The following OLAH variants were observed in gnomAD, a reference collection of about 807,000 sequenced individuals.
The protein encoded by OLAH is oleoyl-ACP hydrolase, also known as S-acyl fatty acid synthase thioesterase, medium chain.
In OLAH, 33 loss-of-function variants were observed where a neutral mutation model predicts 27.8. That is an observed-to-expected ratio of 1.19 (90% CI 0.90 to 1.59). The LOEUF is 1.59. Ranked by LOEUF, OLAH falls within the 40% of genes most tolerant of loss-of-function variation. The pLI, the probability that OLAH is intolerant of heterozygous loss-of-function variation, is 0.00. For missense variants in OLAH, 359 were observed against 310.8 expected, an observed-to-expected ratio of 1.16 and a Z score of -1.17; for synonymous variants, 120 against 102.9, an observed-to-expected ratio of 1.17 and a Z score of -1.01.
At chr10:15,072,384 C>T (rs1844608388) in intron 7 of OLAH, among the ~76,000 whole-genome samples, 1 of 151,938 alleles carries the variant, frequency 6.6e-6, no homozygotes, top group Admixed American at 6.6e-5. Context: ...AGATGTTGGT[C>T]TTGTGTAAAA....
chr10:15,063,489 G>A (rs904395825), intron 4 of OLAH, among the ~76,000 whole-genome samples: 1 of 152,214 alleles, frequency 6.6e-6, no homozygotes, highest in East Asian at 1.9e-4. Context: ...CATGCGCAAT[G>A]AACATGGTGC....
upstream of OLAH, among the ~76,000 whole-genome samples, chr10:15,042,271 C>T (rs1482684497): frequency 6.6e-6 from 1 of 152,110 alleles, no homozygotes; most frequent in East Asian, 1.9e-4. Flanking sequence ...CCTGCCTCAG[C>T]CTCCCAAGTA....
rs761389594 is a variant in OLAH at position 15,065,615 on chromosome 10, A to G, written c.434A>G (p.Asp145Gly). Residue 145 changes from aspartate to glycine, a missense_variant, in exon 6 of 8, where the codon GAT becomes GGT. Physicochemically the swap from Asp to Gly is moderately conservative, Grantham distance 94. Coordinates refer to ENST00000378228, the MANE Select transcript of OLAH (RefSeq NM_001039702.3). ...SKAWHRIPKDDELSEEQISHY... is the reference protein window; with the variant it reads ...SKAWHRIPKDGELSEEQISHY... ...GCCTGGCATCGCATTCCCAAAGATG[A>G]TGAATTGTCAGAAGAACAAATAAGT... The G allele has an allele frequency of 5.0e-6, 8 of 1,612,266 alleles. No individual in the cohort carries two copies. The highest frequency in any genetic ancestry group is 6.8e-6 in the Non-Finnish European group (8 of 1,179,620).
intron 3 of OLAH, 95 bp downstream of exon 3, chr10:15,049,860 T>G (rs1844099327): frequency 8.5e-7 from 1 of 1,181,246 alleles, no homozygotes; most frequent in Admixed American, 2.7e-5. Context: ...TCCTTCCTGG[T>G]AGGTAATTGA....
At chr10:15,069,110 TCTAG>T (rs1157200051) in intron 6 of OLAH, among the ~76,000 whole-genome samples, 1 of 152,132 alleles carries the variant, frequency 6.6e-6, no homozygotes, top group African/African-American at 2.4e-5. Flanking sequence ...TTCCTGGACA[TCTAG>T]ATAGTCTGAA....
Position 15,065,767 on chromosome 10 carries a change from A to T in OLAH, c.572+14A>T. The T allele has an allele frequency of 6.3e-7, 1 of 1,580,726 alleles. No homozygotes were observed. Among genetic ancestry groups the T allele is most frequent in the Non-Finnish European group, 8.6e-7 (1 of 1,166,118 alleles). Reference sequence around the variant, plus strand: ...TAGAAGTTGCACGTAAGTAACAGAAACAAGGTTTTTTCTTTTTTTGGTACA... The same window carrying T: ...TAGAAGTTGCACGTAAGTAACAGAATCAAGGTTTTTTCTTTTTTTGGTACA... On this transcript the variant is annotated intron_variant, in intron 6 of 7. Transcript: ENST00000378228.
chr10:15,043,008 C>A (rs967358375), upstream of OLAH, among the ~76,000 whole-genome samples: 10 of 151,740 alleles, frequency 6.6e-5, no homozygotes, highest in Non-Finnish European at 1.3e-4. Flanking sequence ...CTACAGGCGC[C>A]CGCCACCACA....
chr10:15,051,463 C>T (rs1844141186), intron 3 of OLAH, among the ~76,000 whole-genome samples: 1 of 152,240 alleles, frequency 6.6e-6, no homozygotes, highest in South Asian at 2.1e-4. Context: ...GCAAGCCTTG[C>T]AGGTGAGTGT....
chr10:15,069,785 G>C (rs1216330492), intron 6 of OLAH, among the ~76,000 whole-genome samples: 1 of 152,140 alleles, frequency 6.6e-6, no homozygotes, highest in Non-Finnish European at 1.5e-5. Flanking sequence ...AGAATCACTT[G>C]AACCCAGGAG....
chr10:15,039,920 A>G (rs1025041161), upstream of OLAH, among the ~76,000 whole-genome samples: 1 of 152,176 alleles, frequency 6.6e-6, no homozygotes, highest in Admixed American at 6.5e-5. Context: ...CCTTTCTGCC[A>G]TCTTTAGCTC....
intron 5 of OLAH, 50 bp downstream of exon 5, chr10:15,064,552 G>T: frequency 9.5e-7 from 1 of 1,056,442 alleles, no homozygotes; most frequent in South Asian, 1.5e-5. Flanking sequence ...GCAGGGAAAT[G>T]GGGATAAAAA....
chr10:15,039,432 C>A (rs571147100), upstream of OLAH, among the ~76,000 whole-genome samples: 1 of 152,232 alleles, frequency 6.6e-6, no homozygotes, highest in African/African-American at 2.4e-5. Context: ...ACAAAATTAG[C>A]TGAGTGTGGT....
rs990961042 is a variant in OLAH, at chr10:15,059,859, T to C, written c.164-1865T>C. ...TTTTGCCATTACCTTTGTATCTATG[T>C]CTCTCTTCTGTGGCTGCTTTTTAAC... On this transcript the variant is annotated intron_variant, in intron 3 of 7. Transcript: ENST00000378228. Among the ~76,000 whole-genome samples, 3 of 152,274 alleles carry C rather than the reference T, an allele frequency of 2.0e-5. No homozygotes were observed. The East Asian group carries it at 5.8e-4, about 29-fold the overall frequency.
At position 15,062,372 on chromosome 10, in the gene OLAH, T is replaced by C. The variant is rs181577729; in HGVS notation, c.302+510T>C. Among the ~76,000 whole-genome samples the C allele has an allele frequency of 2.3e-3, 357 of 152,234 alleles. 4 individuals carry two copies. Among genetic ancestry groups the C allele is most frequent in the East Asian group, 2.1e-3 (11 of 5,188 alleles). On this transcript the variant is annotated intron_variant, in intron 4 of 7. Transcript: ENST00000378228. ...GAATCAATAAATTTTGGCTATTATA[T>C]AAGATTTACAAATATGGTCAAGCAG...
intron 3 of OLAH, among the ~76,000 whole-genome samples, chr10:15,051,147 C>T (rs929837130): frequency 4.0e-5 from 6 of 148,460 alleles, no homozygotes; most frequent in Admixed American, 2.0e-4. Flanking sequence ...ATGATCTTGG[C>T]TCACTGCAAC....
intron 6 of OLAH, among the ~76,000 whole-genome samples, chr10:15,066,321 C>T (rs1165757155): frequency 1.3e-5 from 2 of 150,408 alleles, no homozygotes; most frequent in African/African-American, 2.4e-5. Flanking sequence ...CTCATAATAA[C>T]ATAGTAAATA....
At chr10:15,037,586 A>T (rs1843860947) in intron 1 of OLAH, among the ~76,000 whole-genome samples, 1 of 152,090 alleles carries the variant, frequency 6.6e-6, no homozygotes, top group Non-Finnish European at 1.5e-5. Flanking sequence ...GTATCAAAAA[A>T]AAAAGTGTAA....
Position 15,061,740 on chromosome 10 carries a change from T to C in OLAH, c.180T>C (p.Leu60=). The C allele has an allele frequency of 6.2e-7, 1 of 1,612,592 alleles. No homozygotes were observed. The highest frequency in any genetic ancestry group is 8.5e-7 in the Non-Finnish European group (1 of 1,179,446). ...CATCTCCAGTGCACTCCTTAAGGCT[T>C]CCTGGAAGAGAAAGCAGAGTTGAAG... ...HDLLEVHSLR[L]PGRESRVEEP... The change falls in exon 4 of 8, where the codon CTT becomes CTC. Residue 60 remains leucine, a synonymous_variant. Transcript: ENST00000378228.
At chr10:15,056,396 A>C (rs1844245517) in intron 3 of OLAH, among the ~76,000 whole-genome samples, 1 of 152,176 alleles carries the variant, frequency 6.6e-6, no homozygotes, top group African/African-American at 2.4e-5. Flanking sequence ...TCTCCAAAGG[A>C]ATTATAATAA....
Sources: allele counts gnomAD v4.1 joint callset (sites outside exome capture counted in the v4.1 genomes callset), GRCh38; gene constraint gnomAD v4.1.1; transcripts MANE v1.5; gene names NCBI Gene and HGNC (gene_info 2026-07-23, HGNC 2026-07-21).